DMTN: variants seen among roughly 807,000 people sequenced by gnomAD.
DMTN encodes the protein dematin actin binding protein.
A neutral mutation model predicts 59.4 loss-of-function variants in DMTN; 27 were observed. That is an observed-to-expected ratio of 0.45 (90% CI 0.33 to 0.63). The LOEUF (loss-of-function observed/expected upper bound fraction) is 0.63. Ranked by LOEUF, DMTN falls within the 20% of genes least tolerant of loss-of-function variation. The pLI, the probability that DMTN is intolerant of heterozygous loss-of-function variation, is 0.02. For missense variants in DMTN, 451 were observed against 528.9 expected, an observed-to-expected ratio of 0.85 and a Z score of 1.45; for synonymous variants, 221 against 203.7, an observed-to-expected ratio of 1.08 and a Z score of -0.72.
intron 10 of DMTN, among the ~76,000 whole-genome samples, chr8:22,078,389 A>C (rs1051496237): frequency 1.3e-5 from 2 of 149,368 alleles, no homozygotes; most frequent in Non-Finnish European, 3.0e-5. Context: ...ATATATATAC[A>C]TATATACATA....
Position 22,069,034 on chromosome 8 carries a change from T to G in DMTN, c.268T>G (p.Ser90Ala). ...TTCACAGCGCTCGCTGTCACCCAAATCCACATCCCCCCCACCATCCCCAGA... is the reference window on the plus strand; with the variant it reads ...TTCACAGCGCTCGCTGTCACCCAAAGCCACATCCCCCCCACCATCCCCAGA... ...RSRERSLSPK[S>A]TSPPPSPEVW... The change falls in exon 5 of 16, where the codon TCC (serine) becomes GCC (alanine). Residue 90 changes from serine to alanine, a missense_variant. Ser to Ala is a moderately conservative substitution (Grantham distance 99, BLOSUM62 1). Transcript: ENST00000358242. 2 of 1,612,312 alleles carry G rather than the reference T, an allele frequency of 1.2e-6. No homozygotes were observed. The highest frequency in any genetic ancestry group is 1.3e-5 in the African/African-American group (1 of 74,832).
upstream of DMTN, among the ~76,000 whole-genome samples, chr8:22,049,577 C>A (rs1243643907): frequency 2.1e-4 from 31 of 150,380 alleles, 1 homozygote; most frequent in Non-Finnish European, 4.5e-4. Context: ...CAACCCCCCC[C>A]CCCCGCCACC....
At chr8:22,068,033 G>A (rs947724375) in intron 4 of DMTN, among the ~76,000 whole-genome samples, 7 of 152,200 alleles carry the variant, frequency 4.6e-5, no homozygotes, top group Non-Finnish European at 7.3e-5. Context: ...GCTTACCCTC[G>A]TGTAAAATAG....
In DMTN at chr8:22,066,926, A is replaced by T; in HGVS notation, c.18+33A>T. 5.7e-6 allele frequency: 7 copies of T among 1,237,432 alleles called. No homozygotes were observed. The South Asian group carries it at 1.6e-4, about 29-fold the overall frequency. 76.7% of individuals were successfully genotyped at this position (1,237,432 alleles called of 1,614,324 possible). A position where few individuals can be genotyped will look rare whatever the true frequency, so the allele number is the denominator to read the frequency against. On this transcript the variant is annotated intron_variant, in intron 2 of 15. Transcript: ENST00000358242. ...GCGCCGCCCCGGGCCGGGGCCGCCGAGGGCGGGTGGGGGCCGCTTGGGAGT... is the reference window on the plus strand; with the variant it reads ...GCGCCGCCCCGGGCCGGGGCCGCCGTGGGCGGGTGGGGGCCGCTTGGGAGT...
At chr8:22,074,178 G>A in intron 10 of DMTN, among the ~76,000 whole-genome samples, 1 of 152,206 alleles carries the variant, frequency 6.6e-6, no homozygotes, top group East Asian at 1.9e-4. Flanking sequence ...ATGCAGTGTG[G>A]CCGGTATTGT....
At chr8:22,061,497 G>T (rs927613935) in intron 1 of DMTN, among the ~76,000 whole-genome samples, 2 of 152,054 alleles carry the variant, frequency 1.3e-5, no homozygotes, top group Non-Finnish European at 2.9e-5. Flanking sequence ...CTGAGACATG[G>T]CTTACCCTGG....
rs1038725454 is a variant in DMTN at position 22,064,032 on chromosome 8, G to A, written c.-171-2673G>A. ...ACAATACATGACTAAGTAGATGGAT[G>A]TATGGATTCAGGGATGGATGGATGG... is the stretch of plus-strand genomic sequence containing the variant. On this transcript the variant is annotated intron_variant, in intron 1 of 15. Transcript: ENST00000358242. 2.6e-5 allele frequency among the ~76,000 whole-genome samples: 4 copies of A among 152,364 alleles called. No homozygotes were observed. The East Asian group carries it at 7.7e-4, about 29-fold the overall frequency.
chr8:22,060,502 C>G lies in DMTN; in HGVS notation c.-172+3366C>G, dbSNP rs1435029710. Among the ~76,000 whole-genome samples, 4 of 152,196 alleles carry G rather than the reference C, an allele frequency of 2.6e-5. No homozygotes were observed. The highest frequency in any genetic ancestry group is 5.9e-5 in the Non-Finnish European group (4 of 68,048). ...CTCCACCCCCATTTTCCCGGCTGGC[C>G]TTCTGACAGCTTAAAATTTAACCAG... On this transcript the variant is annotated intron_variant, in intron 1 of 15. Coordinates refer to ENST00000358242, the MANE Select transcript of DMTN (RefSeq NM_001387751.1). The surrounding 1 kb of genome is among the most constrained non-coding windows in gnomAD (Gnocchi z 5.0).
chr8:22,081,092 T>TGGGGGGGGGGGGGGGGGGGG, intron 14 of DMTN, 21 bp from the exon 15 acceptor site: 53 of 1,547,198 alleles, frequency 3.4e-5, no homozygotes, highest in Non-Finnish European at 4.3e-5. Flanking sequence ...AGCCTAAGAT[T>TGGGGGGGGGGGGGGGGGGGG]GCCCCTCCCC....
chr8:22,066,773 C>G lies in DMTN; in HGVS notation c.-103C>G. The G allele has an allele frequency of 1.5e-6, 2 of 1,299,704 alleles. No individual in the cohort carries two copies. The highest frequency in any genetic ancestry group is 1.6e-5 in the South Asian group (1 of 61,904). The allele number at this position is 1,299,704 out of a possible 1,614,324, so 80.5% of individuals were successfully genotyped here. A position where few individuals can be genotyped will look rare whatever the true frequency, so the allele number is the denominator to read the frequency against. ...GGAACGCGCCAGCTGCTTTCGCGGC[C>G]CCAAGCGCGCAGCGCCCAGCAGCCG... is the stretch of plus-strand genomic sequence containing the variant. On this transcript the variant is annotated 5_prime_UTR_variant, in exon 2 of 16. Transcript: ENST00000358242.
upstream of DMTN, among the ~76,000 whole-genome samples, chr8:22,050,163 A>C (rs551206516): frequency 6.6e-6 from 1 of 152,100 alleles, no homozygotes; most frequent in Admixed American, 6.5e-5. Context: ...GTTTTCTGGG[A>C]TGTGTGTCGG....
At chr8:22,077,691 T>C (rs1240271167) in intron 10 of DMTN, among the ~76,000 whole-genome samples, 1 of 152,196 alleles carries the variant, frequency 6.6e-6, no homozygotes, top group Non-Finnish European at 1.5e-5. Flanking sequence ...TGGATCATCT[T>C]TGGCGTCCCT....
chr8:22,068,622 GGA>G (rs1281955204), intron 4 of DMTN, among the ~76,000 whole-genome samples: 1 of 151,592 alleles, frequency 6.6e-6, no homozygotes, highest in Non-Finnish European at 1.5e-5. Context: ...AGAAGAAAGT[GGA>G]GAGAGAGAGG....
intron 9 of DMTN, among the ~76,000 whole-genome samples, 160 bp downstream of exon 9, chr8:22,072,610 C>T (rs7836487): frequency 0.036 from 5,426 of 150,250 alleles, 125 homozygotes; most frequent in Non-Finnish European, 0.051. Context: ...ATTACAGGCA[C>T]GCCACCACCT....
intron 10 of DMTN, among the ~76,000 whole-genome samples, chr8:22,078,796 C>CTGTTTTT (rs1352691121): frequency 1.7e-4 from 3 of 17,316 alleles, no homozygotes; most frequent in Admixed American, 2.3e-3. Context: ...TAATGTCAGA[C>CTGTTTTT]TGTTTTTTTT....
At chr8:22,080,980 C>T in intron 14 of DMTN, 110 bp downstream of exon 14, 1 of 1,480,924 alleles carries the variant, frequency 6.8e-7, no homozygotes, top group South Asian at 1.3e-5. Flanking sequence ...GGAGGGATGG[C>T]AGGGAAGTTG....
chr8:22,059,101 T>C (rs1266356685), intron 1 of DMTN: 1 of 151,876 alleles, frequency 6.6e-6, no homozygotes, highest in Non-Finnish European at 1.5e-5. Context: ...ATTTCTGGCA[T>C]TGAATTGTTG....
upstream of DMTN, among the ~76,000 whole-genome samples, chr8:22,056,035 A>G (rs1802429098): frequency 1.3e-5 from 2 of 152,114 alleles, no homozygotes; most frequent in Non-Finnish European, 2.9e-5. Flanking sequence ...GTCCTTCCCC[A>G]TCCTGCCCAG....
intron 1 of DMTN, 118 bp downstream of exon 1, chr8:22,057,254 C>T (rs1218619351): frequency 2.0e-5 from 3 of 152,500 alleles, no homozygotes; most frequent in African/African-American, 7.2e-5. Context: ...ACTGTGGGCC[C>T]TGTTCAGTGG....
Sources: allele counts gnomAD v4.1 joint callset (sites outside exome capture counted in the v4.1 genomes callset), GRCh38; gene constraint gnomAD v4.1.1; non-coding constraint Gnocchi (gnomAD v3.1); transcripts MANE v1.5; gene names NCBI Gene and HGNC (gene_info 2026-07-23, HGNC 2026-07-21).